The following HELZ variants were observed in gnomAD, a reference collection of about 807,000 sequenced individuals.
HELZ encodes ATP-dependent RNA helicase with zinc finger domain.
In HELZ, 23 loss-of-function variants were observed where a neutral mutation model predicts 218.2. That is an observed-to-expected ratio of 0.11 (90% confidence interval 0.08 to 0.15). HELZ has a LOEUF of 0.15. HELZ is among the 10% of genes least tolerant of loss of function. The pLI, the probability that HELZ is intolerant of heterozygous loss-of-function variation, is 1.00. For synonymous variants in HELZ, 814 were observed against 829.4 expected (o/e 0.98, Z 0.32); for missense variants, 1,813 against 2,353.7 (o/e 0.77, Z 4.75).
intron 30 of HELZ, among the ~76,000 whole-genome samples, chr17:67,107,990 G>A (rs1178234591): frequency 6.6e-6 from 1 of 152,112 alleles, no homozygotes; most frequent in South Asian, 2.1e-4. Flanking sequence ...TATTCAGAAG[G>A]GATTAGGAAA....
chr17:67,104,217 G>A (rs1443303530), intron 31 of HELZ, among the ~76,000 whole-genome samples: 3 of 151,934 alleles, frequency 2.0e-5, no homozygotes, highest in African/African-American at 7.3e-5. Context: ...AGCAGATCAC[G>A]AGGTCAGGAG....
At chr17:67,214,269 T>TG (rs199581741) in intron 5 of HELZ, among the ~76,000 whole-genome samples, 19,347 of 138,774 alleles carry the variant, frequency 0.14, 1,834 homozygotes, top group Non-Finnish European at 0.21. Flanking sequence ...CTTTTTTTTT[T>TG]TTTTTTTTTT....
At chr17:67,089,486 G>A (rs2036493117) in intron 31 of HELZ, among the ~76,000 whole-genome samples, 2 of 151,744 alleles carry the variant, frequency 1.3e-5, no homozygotes, top group Admixed American at 1.3e-4. Context: ...GGGAAGTATT[G>A]TATAACCTAT....
chr17:67,113,328 T>C lies in HELZ; in HGVS notation c.3918+996A>G, dbSNP rs938291516. Among the ~76,000 whole-genome samples the C allele has an allele frequency of 2.1e-3, 325 of 152,086 alleles. 2 individuals carry two copies. Among genetic ancestry groups the C allele is most frequent in the Admixed American group, 5.5e-3 (84 of 15,294 alleles). ...TGGTTGGAGTGCAGTGGCGTGATCT[T>C]GGCTCACTGCAAGCTCCGCCTCCTG... On this transcript the variant is annotated intron_variant, in intron 28 of 32. Transcript: ENST00000358691.
chr17:67,079,209 GCTTTT>G (rs2036110081), intron 32 of HELZ, among the ~76,000 whole-genome samples: 1 of 152,104 alleles, frequency 6.6e-6, no homozygotes, highest in Non-Finnish European at 1.5e-5. Context: ...TCAAATAACT[GCTTTT>G]CTTTTCAATC....
intron 9 of HELZ, among the ~76,000 whole-genome samples, chr17:67,191,040 A>C (rs2039881592): frequency 1.3e-5 from 2 of 150,800 alleles, no homozygotes; most frequent in African/African-American, 5.0e-5. Flanking sequence ...TACTGACATC[A>C]AGTGGATTTG....
intron 2 of HELZ, among the ~76,000 whole-genome samples, chr17:67,241,026 A>C: frequency 6.6e-6 from 1 of 152,230 alleles, no homozygotes. Flanking sequence ...CCCTCAAAGC[A>C]ATAAACCATC....
At chr17:67,244,947 A>G (rs1030055265) in intron 1 of HELZ, 13 of 985,732 alleles carry the variant, frequency 1.3e-5, no homozygotes, top group Admixed American at 6.1e-5. Flanking sequence ...AAGAAGCTGT[A>G]AACAGCCCCA....
In HELZ at chr17:67,078,277, T is replaced by C. The variant is rs996242253; in HGVS notation, c.5804A>G (p.Asn1935Ser). Residue 1935 changes from asparagine to serine, a missense_variant, in exon 33 of 33, where the codon AAT becomes AGT. Physicochemically the swap from Asn to Ser is conservative, Grantham distance 46. Transcript: ENST00000358691. ...TTATTTAAAATATGAGTAAAAGCCA[T>C]TGCTGCCAGATGAGCTCCCTAGGCT... Reference protein sequence around the residue: ...ELSLGSSSGSNGFYSYFK With the variant: ...ELSLGSSSGSSGFYSYFK 1.5e-5 allele frequency: 24 copies of C among 1,613,318 alleles called. No individual in the cohort carries two copies. The highest frequency in any genetic ancestry group is 1.6e-4 in the Middle Eastern group (1 of 6,082).
chr17:67,195,530 C>G (rs2040000240), intron 7 of HELZ, 60 bp from the exon 8 acceptor site: 1 of 944,868 alleles, frequency 1.1e-6, no homozygotes, highest in South Asian at 1.4e-5. Context: ...CTGAACTAAA[C>G]TTGAACATTT....
intron 13 of HELZ, among the ~76,000 whole-genome samples, 157 bp downstream of exon 13, chr17:67,178,497 TCTTGC>T (rs1415488783): frequency 6.6e-6 from 1 of 152,208 alleles, no homozygotes; most frequent in African/African-American, 2.4e-5. Context: ...ATGAGACAGT[TCTTGC>T]CTTAAGAAGC....
rs147562402 is a variant in HELZ at position 67,073,867 on chromosome 17, G to C, written c.*4385C>G. 63 of 152,224 alleles carry C rather than the reference G, an allele frequency of 4.1e-4. No homozygotes were observed. Among genetic ancestry groups the C allele is most frequent in the African/African-American group, 1.5e-3 (63 of 41,528 alleles). The allele number at this position is 152,224 out of a possible 1,614,324, so 9.4% of individuals were successfully genotyped here. The stretch of plus-strand genomic sequence containing the variant: ...TGAATTTAGCAGCTTTAAAGTCTCA[G>C]CTAATAAATGTCCATCCTCAAGCAG... On this transcript the variant is annotated 3_prime_UTR_variant, in exon 33 of 33. Coordinates refer to ENST00000358691, the MANE Select transcript of HELZ (RefSeq NM_014877.4).
intron 3 of HELZ, among the ~76,000 whole-genome samples, chr17:67,228,099 T>C (rs1425041101): frequency 2.0e-5 from 3 of 152,230 alleles, no homozygotes; most frequent in African/African-American, 7.2e-5. Flanking sequence ...ACTGCATTTC[T>C]AAAGGTTTTA....
chr17:67,084,458 C>G (rs1181934737), intron 32 of HELZ, among the ~76,000 whole-genome samples: 1 of 151,078 alleles, frequency 6.6e-6, no homozygotes, highest in East Asian at 2.0e-4. Context: ...GTCAGGAGAT[C>G]GAGACCATCC....
intron 2 of HELZ, among the ~76,000 whole-genome samples, chr17:67,240,535 A>G (rs922798731): frequency 2.6e-5 from 4 of 152,246 alleles, no homozygotes; most frequent in Non-Finnish European, 4.4e-5. Context: ...GGAAGCTCGC[A>G]TTATAGGACA....
In HELZ at chr17:67,178,908, T is replaced by G; in HGVS notation, c.1181A>C (p.His394Pro). 6.2e-7 allele frequency: 1 copy of G among 1,607,618 alleles called. No individual in the cohort carries two copies. Among genetic ancestry groups the G allele is most frequent in the Non-Finnish European group, 8.5e-7 (1 of 1,175,856 alleles). ...ASTEDLEYLM[H>P]AKQQLVTTAK... ...TGTGGTTACTAGCTGCTGTTTTGCATGCATCAGGTATTCGAGATCTAAATG... is the reference window on the plus strand; with the variant it reads ...TGTGGTTACTAGCTGCTGTTTTGCAGGCATCAGGTATTCGAGATCTAAATG... The change falls in exon 13 of 33, where the codon CAT becomes CCT. Residue 394 changes from histidine to proline, a missense_variant. His to Pro is a moderately conservative substitution (Grantham distance 77). Coordinates refer to ENST00000358691, the MANE Select transcript of HELZ (RefSeq NM_014877.4).
intron 28 of HELZ, among the ~76,000 whole-genome samples, chr17:67,111,670 A>C (rs2037284122): frequency 6.6e-6 from 1 of 152,208 alleles, no homozygotes; most frequent in Non-Finnish European, 1.5e-5. Flanking sequence ...GGCCAATTTT[A>C]GGCCCTTAAG....
intron 13 of HELZ, among the ~76,000 whole-genome samples, chr17:67,174,785 G>A (rs979318267): frequency 5.3e-5 from 8 of 152,010 alleles, no homozygotes; most frequent in Non-Finnish European, 7.4e-5. Flanking sequence ...CAACAAGAAC[G>A]AAACTCCATT....
chr17:67,130,132 T>C (rs2037931692), intron 23 of HELZ, among the ~76,000 whole-genome samples: 1 of 152,158 alleles, frequency 6.6e-6, no homozygotes, highest in African/African-American at 2.4e-5. Flanking sequence ...TTCCTAGTTT[T>C]TTGAAGATGA....
Sources: gnomAD v4.1 joint callset for allele counts (sites outside exome capture counted in the v4.1 genomes callset) on GRCh38, gnomAD v4.1.1 for gene constraint, MANE v1.5 for transcripts, NCBI Gene and HGNC (gene_info 2026-07-23, HGNC 2026-07-21) for gene names.